Variants in GLIS1 observed in about 807,000 individuals in gnomAD.
The protein encoded by GLIS1 is zinc finger protein GLIS1.
GLIS1 carries 24 observed loss-of-function variants against 63.8 expected under a neutral mutation model. That is an observed-to-expected ratio of 0.38 (90% CI 0.27 to 0.53). The LOEUF (loss-of-function observed/expected upper bound fraction) is 0.53, where lower values mean the gene tolerates loss of function less well. Among genes scored for constraint, GLIS1 ranks in the 20% least tolerant of loss-of-function variants. The pLI is 0.85. For missense variants in GLIS1, 1,036 were observed against 1,074.1 expected, an observed-to-expected ratio of 0.96 and a Z score of 0.50; for synonymous variants, 450 against 482.5, an observed-to-expected ratio of 0.93 and a Z score of 0.88.
chr1:53,666,845 T>G (rs1204584518), intron 2 of GLIS1, among the ~76,000 whole-genome samples: 1 of 152,092 alleles, frequency 6.6e-6, no homozygotes, highest in Non-Finnish European at 1.5e-5. Context: ...ATGCCTCCTT[T>G]CTTAGTGATC....
At chr1:53,521,662 G>A (rs1050484300) in intron 6 of GLIS1, among the ~76,000 whole-genome samples, 4 of 152,204 alleles carry the variant, frequency 2.6e-5, no homozygotes, top group Non-Finnish European at 4.4e-5. Flanking sequence ...TCATGGGCAC[G>A]ATGGATCAGT....
Position 53,509,833 on chromosome 1 carries a change from C to T in GLIS1, c.2062+16G>A. ...ATTGGGGGGTTATACGGAGCGGGCCCCTGGCCAGAGCTTACCTTGTGGGCT... is the reference window on the plus strand; with the variant it reads ...ATTGGGGGGTTATACGGAGCGGGCCTCTGGCCAGAGCTTACCTTGTGGGCT... On this transcript the variant is annotated intron_variant, in intron 9 of 10. Transcript: ENST00000628545. 7.7e-7 allele frequency: 1 copy of T among 1,295,144 alleles called. No homozygotes were observed. Among genetic ancestry groups the T allele is most frequent in the Non-Finnish European group, 9.9e-7 (1 of 1,011,864 alleles). The allele number at this position is 1,295,144 out of a possible 1,614,324, so 80.2% of individuals were successfully genotyped here.
chr1:53,623,201 T>A (rs910283542), intron 2 of GLIS1, among the ~76,000 whole-genome samples: 31 of 152,154 alleles, frequency 2.0e-4, no homozygotes, highest in Non-Finnish European at 2.4e-4. Context: ...CAATATATAT[T>A]AATAGAAAAG....
chr1:53,583,827 G>A (rs950975932), intron 4 of GLIS1, among the ~76,000 whole-genome samples: 40 of 152,200 alleles, frequency 2.6e-4, no homozygotes, highest in African/African-American at 8.9e-4. Context: ...TTGTGGGGAC[G>A]GGTGGAAAAC....
intron 4 of GLIS1, among the ~76,000 whole-genome samples, chr1:53,571,836 C>T (rs1267379215): frequency 2.0e-5 from 3 of 152,302 alleles, no homozygotes; most frequent in African/African-American, 7.2e-5. Context: ...CCTCAGCCTC[C>T]TAAAGTGCTG....
At chr1:53,702,861 C>T (rs892488677) in intron 2 of GLIS1, among the ~76,000 whole-genome samples, 3 of 152,172 alleles carry the variant, frequency 2.0e-5, no homozygotes, top group Non-Finnish European at 4.4e-5. Flanking sequence ...CGTGGCCTGC[C>T]CACAGGGCTG....
rs1312808797 is a variant in GLIS1, at chr1:53,598,547, G to A, written c.437+1554C>T. Among the ~76,000 whole-genome samples, 1 of 151,424 alleles carries A rather than the reference G, an allele frequency of 6.6e-6. No homozygotes were observed. Among genetic ancestry groups the A allele is most frequent in the Non-Finnish European group, 1.5e-5 (1 of 67,892 alleles). On this transcript the variant is annotated intron_variant, in intron 3 of 10. Coordinates refer to ENST00000628545, the MANE Select transcript of GLIS1 (RefSeq NM_001367484.1). The surrounding 1 kb of genome is among the most constrained non-coding windows in gnomAD (Gnocchi z 4.6). ...CAGACCCTGTCTCAAAAAAAAAAAA[G>A]GAGGAATTAGGGCACAGGCCGAGGG...
rs1644400304 is a variant in GLIS1 at position 53,520,760 on chromosome 1, C to A, written c.1600G>T (p.Ala534Ser). 6.2e-7 allele frequency: 1 copy of A among 1,605,030 alleles called. No homozygotes were observed. The highest frequency in any genetic ancestry group is 1.7e-5 in the Admixed American group (1 of 59,174). ...KEQQVRKKLH[A>S]GPDTEADVLT... The stretch of plus-strand genomic sequence containing the variant: ...ACGTCGGCCTCGGTGTCAGGGCCCG[C>A]ATGCAGCTGGGGAGCAAGCAGAGGG... Residue 534 changes from alanine to serine, a missense_variant, in exon 7 of 11, where the codon GCG (alanine) becomes TCG (serine). Transcript: ENST00000628545.
At position 53,574,554 on chromosome 1, in the gene GLIS1, G is replaced by A. The variant is rs562392085; in HGVS notation, c.1320+19554C>T. 2.2e-4 allele frequency among the ~76,000 whole-genome samples: 33 copies of A among 152,320 alleles called. No individual in the cohort carries two copies. Among genetic ancestry groups the A allele is most frequent in the Non-Finnish European group, 4.6e-4 (31 of 68,026 alleles). ...GTGAGGAAACAGAAGCTTCAGAAAG[G>A]TAAAGTGACTTTCCCCCGGTCACAC... is the stretch of plus-strand genomic sequence containing the variant. On this transcript the variant is annotated intron_variant, in intron 4 of 10. Coordinates refer to ENST00000628545, the MANE Select transcript of GLIS1 (RefSeq NM_001367484.1). This position sits in a 1 kb window ranked among gnomAD's most constrained non-coding sequence, Gnocchi z 4.2.
At chr1:53,507,259 G>A (rs541025388) in intron 10 of GLIS1, among the ~76,000 whole-genome samples, 6 of 152,178 alleles carry the variant, frequency 3.9e-5, no homozygotes, top group Non-Finnish European at 8.8e-5. Context: ...AGCTTGCCTC[G>A]CTTCGGCTCC....
chr1:53,581,217 C>T (rs1319504025), intron 4 of GLIS1, among the ~76,000 whole-genome samples: 1 of 152,180 alleles, frequency 6.6e-6, no homozygotes, highest in Non-Finnish European at 1.5e-5. Flanking sequence ...TGCTGAGCAC[C>T]ACTGGGTACT....
At chr1:53,665,272 T>C (rs1009991559) in intron 2 of GLIS1, among the ~76,000 whole-genome samples, 3 of 152,112 alleles carry the variant, frequency 2.0e-5, no homozygotes, top group African/African-American at 7.2e-5. Context: ...CTCCAAAGCT[T>C]CTGGCCTGGG....
At chr1:53,602,160 T>G (rs1645325249) in intron 2 of GLIS1, among the ~76,000 whole-genome samples, 1 of 152,176 alleles carries the variant, frequency 6.6e-6, no homozygotes, top group Non-Finnish European at 1.5e-5. Flanking sequence ...GGCCAGCCCC[T>G]CGCAAGCTTA....
At chr1:53,706,085 A>G (rs1030887233) in intron 2 of GLIS1, among the ~76,000 whole-genome samples, 1 of 152,210 alleles carries the variant, frequency 6.6e-6, no homozygotes, top group Non-Finnish European at 1.5e-5. Flanking sequence ...ATATTGGCTA[A>G]TGTACTCTGG....
In GLIS1 at chr1:53,572,009, T is replaced by C. The variant is rs930858579; in HGVS notation, c.1320+22099A>G. Among the ~76,000 whole-genome samples the C allele has an allele frequency of 1.2e-4, 19 of 152,156 alleles. 1 individual carries two copies. Among genetic ancestry groups the C allele is most frequent in the African/African-American group, 4.6e-4 (19 of 41,432 alleles). The stretch of plus-strand genomic sequence containing the variant: ...TTAAGGATACATATGTGTGATGAAA[T>C]CATGTTAAAGAAAGCAGCGAACACT... On this transcript the variant is annotated intron_variant, in intron 4 of 10. Coordinates refer to ENST00000628545, the MANE Select transcript of GLIS1 (RefSeq NM_001367484.1).
intron 2 of GLIS1, among the ~76,000 whole-genome samples, chr1:53,612,980 G>A (rs377676784): frequency 2.6e-5 from 4 of 151,966 alleles, no homozygotes; most frequent in South Asian, 2.1e-4. Context: ...CACCACGTGC[G>A]GCTAATTTTT....
intron 2 of GLIS1, among the ~76,000 whole-genome samples, chr1:53,676,884 C>T (rs957420727): frequency 6.6e-6 from 1 of 152,196 alleles, no homozygotes; most frequent in Non-Finnish European, 1.5e-5. Flanking sequence ...TCATTCTTGC[C>T]TCATACTAGA....
chr1:53,534,161 T>C (rs949324063), intron 4 of GLIS1, among the ~76,000 whole-genome samples: 4 of 151,916 alleles, frequency 2.6e-5, no homozygotes, highest in African/African-American at 9.7e-5. Context: ...ACCATTGGGT[T>C]GTGGGGGCAC....
intron 4 of GLIS1, among the ~76,000 whole-genome samples, chr1:53,578,272 G>T (rs1645052324): frequency 1.3e-5 from 2 of 152,170 alleles, no homozygotes; most frequent in Non-Finnish European, 2.9e-5. Context: ...GTAAAATGGG[G>T]ATAATGACAG....
Sources: allele counts gnomAD v4.1 joint callset (sites outside exome capture counted in the v4.1 genomes callset), GRCh38; gene constraint gnomAD v4.1.1; non-coding constraint Gnocchi (gnomAD v3.1); transcripts MANE v1.5; gene names NCBI Gene and HGNC (gene_info 2026-07-23, HGNC 2026-07-21).